Variants in CPB1 observed in about 807,000 individuals in gnomAD.
CPB1 encodes carboxypeptidase B.
A neutral mutation model predicts 51.4 loss-of-function variants in CPB1; 53 were observed. That is an observed-to-expected ratio of 1.03 (90% CI 0.83 to 1.30). The LOEUF (loss-of-function observed/expected upper bound fraction) is 1.30, where lower values mean the gene tolerates loss of function less well. Among genes scored for constraint, CPB1 ranks in the 50% most tolerant of loss-of-function variants. CPB1 has a pLI of 0.00. For synonymous variants in CPB1, 189 were observed against 186.9 expected (o/e 1.01, Z -0.09); for missense variants, 494 against 516.2 (o/e 0.96, Z 0.42).
chr3:148,836,101 A>G (rs1712894683), intron 3 of CPB1, among the ~76,000 whole-genome samples: 2 of 152,014 alleles, frequency 1.3e-5, no homozygotes, highest in Admixed American at 1.3e-4. Flanking sequence ...TACAACTGGT[A>G]TTATATTGCT....
rs1559958799 is a variant in CPB1, at chr3:148,842,066, A to T, written c.576+142A>T. On this transcript the variant is annotated intron_variant, in intron 6 of 10. Coordinates refer to ENST00000282957, the MANE Select transcript of CPB1 (RefSeq NM_001871.3). ...ATTTTGGAAATTAGTTTCAACTTCCACCAACAGACCTTTATAAGGCAGAAA... is the reference window on the plus strand; with the variant it reads ...ATTTTGGAAATTAGTTTCAACTTCCTCCAACAGACCTTTATAAGGCAGAAA... The T allele has an allele frequency of 3.1e-6, 2 of 638,608 alleles. 1 individual carries two copies. Among genetic ancestry groups the T allele is most frequent in the East Asian group, 5.6e-5 (2 of 35,808 alleles). The allele number at this position is 638,608 out of a possible 1,614,324, so 39.6% of individuals were successfully genotyped here.
intron 3 of CPB1, 115 bp from the exon 4 acceptor site, chr3:148,840,571 T>A: frequency 1.2e-6 from 1 of 825,260 alleles, no homozygotes; most frequent in South Asian, 1.5e-5. Flanking sequence ...AACATGAGAA[T>A]TTATGGAGAG....
At position 148,845,595 on chromosome 3, in the gene CPB1, C is replaced by T. The variant is rs372618980; in HGVS notation, c.950C>T (p.Ala317Val). ...SQMMIYPYSYAYKLGENNAEL... is the reference protein window; with the variant it reads ...SQMMIYPYSYVYKLGENNAEL... ...ATGATGATCTACCCTTACTCATATG[C>T]TTACAAACTCGGTGAGAACAATGCT... Residue 317 changes from alanine to valine, a missense_variant, in exon 9 of 11, where the codon GCT (alanine) becomes GTT (valine). Ala to Val is a moderately conservative substitution (Grantham distance 64). Transcript: ENST00000282957. 43 of 1,613,640 alleles carry T rather than the reference C, an allele frequency of 2.7e-5. No individual in the cohort carries two copies. In the East Asian group the frequency reaches 8.5e-4, roughly 32 times the overall value.
intron 9 of CPB1, among the ~76,000 whole-genome samples, chr3:148,847,926 A>G (rs1576572350): frequency 6.6e-6 from 1 of 152,268 alleles, no homozygotes. Context: ...AATTTTCTCT[A>G]TTGATTAAGC....
At chr3:148,843,079 G>A (rs1279808217) in intron 6 of CPB1, among the ~76,000 whole-genome samples, 1 of 152,128 alleles carries the variant, frequency 6.6e-6, no homozygotes, top group Non-Finnish European at 1.5e-5. Flanking sequence ...GATCAGAGAA[G>A]ACTACGGAGA....
At chr3:148,844,884 C>A in intron 8 of CPB1, 117 bp downstream of exon 8, 2 of 878,906 alleles carry the variant, frequency 2.3e-6, no homozygotes, top group Non-Finnish European at 3.5e-6. Flanking sequence ...AAGTTCTAAC[C>A]TTCTAAAAGC....
chr3:148,841,863 A>C lies in CPB1; in HGVS notation c.515A>C (p.Asp172Ala). ...CAAAATAAGCCTGCCATTTTCATGG[A>C]CTGTGGTTTCCATGCCAGAGAGTGG... Reference protein sequence around the residue: ...AGQNKPAIFMDCGFHAREWIS... With the variant: ...AGQNKPAIFMACGFHAREWIS... Residue 172 changes from aspartate to alanine, a missense_variant, in exon 6 of 11, where the codon GAC becomes GCC. Asp to Ala is a moderately radical substitution (Grantham distance 126). Coordinates refer to ENST00000282957, the MANE Select transcript of CPB1 (RefSeq NM_001871.3). 2 of 1,613,988 alleles carry C rather than the reference A, an allele frequency of 1.2e-6. No individual in the cohort carries two copies. The highest frequency in any genetic ancestry group is 1.7e-6 in the Non-Finnish European group (2 of 1,179,892).
chr3:148,841,009 G>A, intron 5 of CPB1, 34 bp downstream of exon 5: 1 of 1,545,766 alleles, frequency 6.5e-7, no homozygotes. Flanking sequence ...TGCCATGTCT[G>A]AGGGCTTTAA....
chr3:148,860,098 C>G lies in CPB1; in HGVS notation c.*96C>G, dbSNP rs1713707921. The G allele has an allele frequency of 8.3e-7, 1 of 1,201,638 alleles. No homozygotes were observed. The highest frequency in any genetic ancestry group is 2.2e-5 in the Admixed American group (1 of 44,972). 74.4% of individuals were successfully genotyped at this position (1,201,638 alleles called of 1,614,324 possible). On this transcript the variant is annotated 3_prime_UTR_variant, in exon 11 of 11. Coordinates refer to ENST00000282957, the MANE Select transcript of CPB1 (RefSeq NM_001871.3). ...GGTTTGCCTGGATGTTTTGCAGATC[C>G]CAATCTTTCTTTTAAGCTTCTGGGT...
At chr3:148,852,449 C>G (rs1470717556) in intron 9 of CPB1, among the ~76,000 whole-genome samples, 1 of 152,114 alleles carries the variant, frequency 6.6e-6, no homozygotes, top group Non-Finnish European at 1.5e-5. Flanking sequence ...TTATCCAGCC[C>G]AAAACGTCAA....
intron 10 of CPB1, 82 bp downstream of exon 10, chr3:148,857,623 T>G: frequency 9.9e-7 from 1 of 1,007,594 alleles, no homozygotes; most frequent in Non-Finnish European, 1.5e-6. Context: ...TCTTTTCTGA[T>G]AGTTTAAAGC....
intron 9 of CPB1, among the ~76,000 whole-genome samples, chr3:148,846,013 A>G (rs572742362): frequency 6.6e-6 from 1 of 152,250 alleles, no homozygotes; most frequent in South Asian, 2.1e-4. Context: ...TTTGACACAG[A>G]TCCAGAGCAT....
Position 148,840,878 on chromosome 3 carries a change from AG to A in CPB1, c.379del (p.Ala127LeufsTer31). ...YEKYNKWETI[E>X]AWTQQVATEN... The stretch of plus-strand genomic sequence containing the variant: ...ACAAATGATTCCATTTGGTAGATAG[AG>A]GCTTGGACTCAACAAGTCGCCACTG... On this transcript the variant is annotated frameshift_variant, in exon 5 of 11. Coordinates refer to ENST00000282957, the MANE Select transcript of CPB1 (RefSeq NM_001871.3). LOFTEE classifies it high-confidence loss of function. 1 of 1,614,158 alleles carries A rather than the reference AG, an allele frequency of 6.2e-7. No individual in the cohort carries two copies.
chr3:148,838,289 C>T (rs1380226690), intron 3 of CPB1: 2 of 151,624 alleles, frequency 1.3e-5, no homozygotes, highest in Non-Finnish European at 2.9e-5. Flanking sequence ...ATAATTTCAA[C>T]TCAAGGGTTG....
At chr3:148,844,875 A>C (rs1265591728) in intron 8 of CPB1, 108 bp downstream of exon 8, 1 of 982,994 alleles carries the variant, frequency 1.0e-6, no homozygotes, top group East Asian at 2.6e-5. Flanking sequence ...TATATTTTAA[A>C]GTTCTAACCT....
intron 2 of CPB1, 27 bp downstream of exon 2, chr3:148,828,104 C>T: frequency 1.3e-6 from 2 of 1,560,716 alleles, no homozygotes; most frequent in Non-Finnish European, 1.8e-6. Flanking sequence ...ATTTACTTCA[C>T]ATCTAATTTA....
In CPB1 at chr3:148,857,498, G is replaced by T; in HGVS notation, c.1023G>T (p.Leu341=). The part of the protein sequence containing the change: ...AKATVKELAS[L]HGTKYTYGPG... ...CTACTGTGAAAGAACTTGCCTCACT[G>T]CACGGCACCAAGTACACATATGGCC... Residue 341 remains leucine (L), a synonymous_variant, in exon 10 of 11, where the codon CTG becomes CTT. Transcript: ENST00000282957. The T allele has an allele frequency of 6.2e-7, 1 of 1,613,944 alleles. No homozygotes were observed. Among genetic ancestry groups the T allele is most frequent in the East Asian group, 2.2e-5 (1 of 44,874 alleles).
At chr3:148,828,219 C>T (rs956744412) in intron 2 of CPB1, 142 bp downstream of exon 2, 3 of 659,762 alleles carry the variant, frequency 4.5e-6, no homozygotes, top group Non-Finnish European at 7.8e-6. Flanking sequence ...CATTTAGTGC[C>T]ATAATGTCTT....
At chr3:148,841,978 T>G in intron 6 of CPB1, 54 bp downstream of exon 6, 1 of 1,263,674 alleles carries the variant, frequency 7.9e-7, no homozygotes, top group Non-Finnish European at 1.1e-6. Context: ...TAATTTTCAA[T>G]TAATTCCTTA....
Sources: gnomAD v4.1 joint callset for allele counts (sites outside exome capture counted in the v4.1 genomes callset) on GRCh38, gnomAD v4.1.1 for gene constraint, MANE v1.5 for transcripts, NCBI Gene and HGNC (gene_info 2026-07-23, HGNC 2026-07-21) for gene names.